The following IL17D variants were observed in gnomAD, a reference collection of about 807,000 sequenced individuals.
IL17D encodes interleukin 17D, also known as interleukin-17D.
IL17D carries 10 observed loss-of-function variants against 5.7 expected under a neutral mutation model. The observed-to-expected ratio is 1.75, with a 90% CI of 1.08 to 2.97. The LOEUF is 2.97. Ranked by LOEUF, IL17D falls within the 30% of genes most tolerant of loss-of-function variation. The pLI, the probability that IL17D is intolerant of heterozygous loss-of-function variation, is 0.00. For synonymous variants in IL17D, 172 were observed against 141.7 expected (o/e 1.21, Z -1.52); for missense variants, 354 against 292.7 (o/e 1.21, Z -1.53).
chr13:20,705,047 C>G (rs1375483196), intron 1 of IL17D, among the ~76,000 whole-genome samples: 1 of 152,104 alleles, frequency 6.6e-6, no homozygotes, highest in East Asian at 1.9e-4. Flanking sequence ...AAGGGGAAGG[C>G]TGGAGAAGTT....
upstream of IL17D, chr13:20,703,512 G>T (rs1447537669): frequency 3.5e-6 from 3 of 848,908 alleles, no homozygotes; most frequent in Non-Finnish European, 2.8e-6. Context: ...GGGCTGGCTG[G>T]GGCGGGCGGA....
At position 20,716,222 on chromosome 13, in the gene IL17D, G is replaced by A; in HGVS notation, c.291-5414G>A. 1 of 329,440 alleles carries A rather than the reference G, an allele frequency of 3.0e-6. No homozygotes were observed. The highest frequency in any genetic ancestry group is 4.3e-6 in the Non-Finnish European group (1 of 230,144). 20.4% of individuals were successfully genotyped at this position (329,440 alleles called of 1,614,324 possible). A position where few individuals can be genotyped will look rare whatever the true frequency, so the allele number is the denominator to read the frequency against. ...GTCCCCAGAGGACGGCGGATGTCTT[G>A]GTATTACCATGGTTGTATAACGTCT... On this transcript the variant is annotated intron_variant, in intron 1 of 1. Coordinates refer to ENST00000682841, the MANE Select transcript of IL17D (RefSeq NM_001385224.1). This position sits in a 1 kb window ranked among gnomAD's most constrained non-coding sequence, Gnocchi z 4.2.
At chr13:20,720,102 A>G (rs1595003538) in intron 1 of IL17D, among the ~76,000 whole-genome samples, 1 of 151,962 alleles carries the variant, frequency 6.6e-6, no homozygotes, top group East Asian at 1.9e-4. Context: ...TTCAGGTTTG[A>G]CCCAGCCCCC....
intron 1 of IL17D, among the ~76,000 whole-genome samples, chr13:20,720,702 C>G (rs565747730): frequency 6.6e-6 from 1 of 152,302 alleles, no homozygotes; most frequent in African/African-American, 2.4e-5. Flanking sequence ...GACTTTCTGT[C>G]CGACCTCATC....
At chr13:20,707,256 G>A (rs1370463987) in intron 1 of IL17D, among the ~76,000 whole-genome samples, 1 of 151,938 alleles carries the variant, frequency 6.6e-6, no homozygotes, top group African/African-American at 2.4e-5. Context: ...TTGAGCCCAG[G>A]AGTTTGAGAC....
intron 1 of IL17D, among the ~76,000 whole-genome samples, chr13:20,706,532 G>A (rs1035982718): frequency 3.9e-5 from 6 of 152,238 alleles, no homozygotes; most frequent in Non-Finnish European, 7.3e-5. Flanking sequence ...GTTGTTGATG[G>A]TATTTGAGCA....
chr13:20,720,862 A>AC (rs2058726091), intron 1 of IL17D, among the ~76,000 whole-genome samples: 1 of 82,424 alleles, frequency 1.2e-5, no homozygotes. Flanking sequence ...ACACCAGACC[A>AC]CCTCCCTCCC....
At chr13:20,720,887 T>G (rs991459781) in intron 1 of IL17D, among the ~76,000 whole-genome samples, 1 of 13,460 alleles carries the variant, frequency 7.4e-5, no homozygotes, top group Non-Finnish European at 1.4e-4. Context: ...CCCCCCCCCC[T>G]CCCCCGGCAG....
intron 1 of IL17D, among the ~76,000 whole-genome samples, chr13:20,720,289 T>A (rs1212326689): frequency 6.6e-6 from 1 of 152,178 alleles, no homozygotes; most frequent in Non-Finnish European, 1.5e-5. Context: ...AAACTCTGCC[T>A]TCAGCCAAGA....
chr13:20,721,591 G>A, intron 1 of IL17D, 45 bp from the exon 2 acceptor site: 1 of 1,499,282 alleles, frequency 6.7e-7, no homozygotes, highest in Non-Finnish European at 9.0e-7. Context: ...CGCGCGGCGC[G>A]GGGCTGCCCC....
At position 20,722,464 on chromosome 13, in the gene IL17D, A is replaced by T. The variant is rs933336095; in HGVS notation, c.*510A>T. The T allele has an allele frequency of 6.5e-6, 1 of 152,800 alleles. No individual in the cohort carries two copies. Among genetic ancestry groups the T allele is most frequent in the East Asian group, 1.9e-4 (1 of 5,196 alleles). 9.5% of individuals were successfully genotyped at this position (152,800 alleles called of 1,614,324 possible). On this transcript the variant is annotated 3_prime_UTR_variant, in exon 2 of 2. Transcript: ENST00000682841. The stretch of plus-strand genomic sequence containing the variant: ...GAGCTACTCTGTTACATTTCTTAAC[A>T]TATAAACATCGTTTTTTACTTCTTC...
chr13:20,704,074 C>T lies in IL17D; in HGVS notation c.73C>T (p.Pro25Ser), dbSNP rs2058566933. Residue 25 changes from proline (P) to serine (S), a missense_variant, in exon 1 of 2, where the codon CCC becomes TCC. By Grantham distance (74) the Pro-to-Ser change is moderately conservative. Transcript: ENST00000682841. ...GGGCGCCCCGAGGGCGGGCAGGCGC[C>T]CCGCGCGGCCGCGGGGCTGCGCGGA... The part of the protein sequence containing the change: ...AAGAPRAGRR[P>S]ARPRGCADRP... The T allele has an allele frequency of 3.6e-6, 4 of 1,109,436 alleles. No individual in the cohort carries two copies. In the South Asian group the frequency reaches 1.2e-4, roughly 33 times the overall value. 68.7% of individuals were successfully genotyped at this position (1,109,436 alleles called of 1,614,324 possible).
At chr13:20,719,341 A>C (rs931849228) in intron 1 of IL17D, among the ~76,000 whole-genome samples, 2 of 139,510 alleles carry the variant, frequency 1.4e-5, no homozygotes, top group East Asian at 2.2e-4. Flanking sequence ...ACACTCACCC[A>C]CACACACCTG....
Position 20,716,164 on chromosome 13 carries a change from G to A in IL17D, c.291-5472G>A. The A allele has an allele frequency of 1.1e-6, 1 of 921,588 alleles. No individual in the cohort carries two copies. Among genetic ancestry groups the A allele is most frequent in the South Asian group, 5.0e-5 (1 of 19,900 alleles). The allele number at this position is 921,588 out of a possible 1,614,324, so 57.1% of individuals were successfully genotyped here. A position where few individuals can be genotyped will look rare whatever the true frequency, so the allele number is the denominator to read the frequency against. On this transcript the variant is annotated intron_variant, in intron 1 of 1. Transcript: ENST00000682841. This position sits in a 1 kb window ranked among gnomAD's most constrained non-coding sequence, Gnocchi z 4.2. ...GTTAGTGTTTTTCACAGGACTCTCA[G>A]CTCTTGGAGAGGGATGCTACATGTC...
At chr13:20,718,861 C>T (rs2058707844) in intron 1 of IL17D, among the ~76,000 whole-genome samples, 1 of 145,020 alleles carries the variant, frequency 6.9e-6, no homozygotes, top group Non-Finnish European at 1.5e-5. Context: ...CTCACCCACA[C>T]ACATGCCCAC....
chr13:20,720,795 G>A (rs2141400645), intron 1 of IL17D, among the ~76,000 whole-genome samples: 1 of 152,072 alleles, frequency 6.6e-6, no homozygotes, highest in African/African-American at 2.4e-5. Context: ...GTGCAGTCCT[G>A]TGTCAGTCAC....
At chr13:20,711,583 G>C (rs929184618) in intron 1 of IL17D, among the ~76,000 whole-genome samples, 2 of 152,140 alleles carry the variant, frequency 1.3e-5, no homozygotes, top group African/African-American at 4.8e-5. Flanking sequence ...GGGGACAGGA[G>C]GTCAAGTAAC....
At chr13:20,718,864 A>ACC (rs1491571808) in intron 1 of IL17D, among the ~76,000 whole-genome samples, 2 of 122,916 alleles carry the variant, frequency 1.6e-5, no homozygotes, top group East Asian at 2.8e-4. Flanking sequence ...ACCCACACAC[A>ACC]TGCCCACACT....
At chr13:20,711,229 A>T (rs1377994228) in intron 1 of IL17D, among the ~76,000 whole-genome samples, 1 of 151,336 alleles carries the variant, frequency 6.6e-6, no homozygotes, top group Non-Finnish European at 1.5e-5. Flanking sequence ...ATGCCATTGC[A>T]CTCCAGTCTG....
Sources: allele counts gnomAD v4.1 joint callset (sites outside exome capture counted in the v4.1 genomes callset), GRCh38; gene constraint gnomAD v4.1.1; non-coding constraint Gnocchi (gnomAD v3.1); transcripts MANE v1.5; gene names NCBI Gene and HGNC (gene_info 2026-07-23, HGNC 2026-07-21).